Variants in VPS13D observed in about 807,000 individuals in gnomAD.
VPS13D encodes vacuolar protein sorting 13 homolog D, also known as intermembrane lipid transfer protein VPS13D.
VPS13D carries 187 observed loss-of-function variants against 461.9 expected under a neutral mutation model. The ratio of observed to expected loss-of-function variants is 0.40; its 90% confidence interval spans 0.36 to 0.46. The LOEUF (loss-of-function observed/expected upper bound fraction) is 0.46. VPS13D is among the 20% of genes least tolerant of loss of function. The pLI, the probability that VPS13D is intolerant of heterozygous loss-of-function variation, is 0.60. For missense variants in VPS13D, 4,711 were observed against 5,364.9 expected, an observed-to-expected ratio of 0.88 and a Z score of 3.81; for synonymous variants, 1,951 against 1,986.3, an observed-to-expected ratio of 0.98 and a Z score of 0.47.
intron 47 of VPS13D, among the ~76,000 whole-genome samples, 184 bp from the exon 48 acceptor site, chr1:12,355,715 G>A (rs560513430): frequency 2.0e-5 from 3 of 152,164 alleles, no homozygotes; most frequent in African/African-American, 7.2e-5. Flanking sequence ...TGTGATTCCA[G>A]GCCTTCTGGT....
At chr1:12,425,697 AAGGAAGGGAGGAAGAG>A (rs1007942300) in intron 65 of VPS13D, among the ~76,000 whole-genome samples, 36 of 151,130 alleles carry the variant, frequency 2.4e-4, no homozygotes. Flanking sequence ...GGAAGGAAGG[AAGGAAGGGAGGAAGAG>A]AGGGAGGGAG....
chr1:12,406,648 C>CA (rs1644659600), intron 63 of VPS13D, among the ~76,000 whole-genome samples: 1 of 152,184 alleles, frequency 6.6e-6, no homozygotes, highest in African/African-American at 2.4e-5. Flanking sequence ...ATAATAGTCC[C>CA]ATTTCACAAA....
In VPS13D at chr1:12,277,194, A is replaced by G. The variant is rs1302182767; in HGVS notation, c.3606A>G (p.Lys1202=). ...KIATASIGGT[K]VNVSMGSTFD... ...CAACTGCAAGTATAGGTGGCACCAA[A>G]GTTAATGTCTCAATGGGTAGCACGT... The change falls in exon 19 of 70, where the codon AAA becomes AAG. Residue 1202 remains lysine (K), a synonymous_variant. Transcript: ENST00000620676. 6 of 1,614,132 alleles carry G rather than the reference A, an allele frequency of 3.7e-6. No individual in the cohort carries two copies. The African/African-American group carries it at 8.0e-5, about 22-fold the overall frequency.
At chr1:12,291,454 GTC>G (rs1642129788) in intron 23 of VPS13D, among the ~76,000 whole-genome samples, 1 of 152,120 alleles carries the variant, frequency 6.6e-6, no homozygotes, top group Non-Finnish European at 1.5e-5. Flanking sequence ...CATAGACACT[GTC>G]TCTATAGAAG....
In VPS13D at chr1:12,260,985, G is replaced by C; in HGVS notation, c.1250G>C (p.Cys417Ser). ...CCTCAGTTTGATTCTCCAGGAGCCT[G>C]TCCGGGAGCCCCAGAACCCGGTGGA... is the stretch of plus-strand genomic sequence containing the variant. Reference protein sequence around the residue: ...REPQFDSPGACPGAPEPGGGS... With the variant: ...REPQFDSPGASPGAPEPGGGS... Residue 417 changes from cysteine to serine, a missense_variant, in exon 12 of 70, where the codon TGT (cysteine) becomes TCT (serine). This residue lies in a region of VPS13D where 4,411 missense variants were observed against 4,937.8 expected (regional missense o/e 0.89). Transcript: ENST00000620676. 6.2e-7 allele frequency: 1 copy of C among 1,613,872 alleles called. No individual in the cohort carries two copies. The highest frequency in any genetic ancestry group is 2.2e-5 in the East Asian group (1 of 44,882).
At position 12,244,676 on chromosome 1, in the gene VPS13D, C is replaced by T. The variant is rs1010884029; in HGVS notation, c.447+59C>T. 6.9e-5 allele frequency: 103 copies of T among 1,488,200 alleles called. 2 individuals carry two copies. In the African/African-American group the frequency reaches 8.3e-4, roughly 12 times the overall value. The allele number at this position is 1,488,200 out of a possible 1,614,324, so 92.2% of individuals were successfully genotyped here. A position where few individuals can be genotyped will look rare whatever the true frequency, so the allele number is the denominator to read the frequency against. The stretch of plus-strand genomic sequence containing the variant: ...GTGAAAGGGATTTCTCAGGTTTAAA[C>T]GTGTTTCTCCTCTTAGTTTCTCATT... On this transcript the variant is annotated intron_variant, in intron 5 of 69. Transcript: ENST00000620676.
intron 68 of VPS13D, chr1:12,500,013 T>C: frequency 1.0e-6 from 1 of 985,444 alleles, no homozygotes; most frequent in Non-Finnish European, 1.2e-6. Context: ...CTTGCTCTAC[T>C]GTTCTGACTA....
intron 57 of VPS13D, among the ~76,000 whole-genome samples, chr1:12,380,004 C>T (rs1029656348): frequency 6.6e-5 from 10 of 152,090 alleles, no homozygotes; most frequent in African/African-American, 1.4e-4. Context: ...CTCCTAACCT[C>T]GTTATCCACC....
chr1:12,356,830 C>T (rs1283555437), intron 49 of VPS13D, among the ~76,000 whole-genome samples: 1 of 152,218 alleles, frequency 6.6e-6, no homozygotes, highest in African/African-American at 2.4e-5. Flanking sequence ...CTCTGCTCTG[C>T]AGTTTTTCTT....
intron 29 of VPS13D, among the ~76,000 whole-genome samples, chr1:12,312,392 G>T (rs1163008951): frequency 6.6e-6 from 1 of 152,230 alleles, no homozygotes; most frequent in Admixed American, 6.5e-5. Context: ...CTTGCTGTGT[G>T]TCTGAGTAGT....
In VPS13D at chr1:12,385,108, A is replaced by C. The variant is rs1010053941; in HGVS notation, c.11371-152A>C. ...AACCAAGTTTGCTTCTTTATTACAC[A>C]AATCTTACCTTACCAGTGCTTTGGA... On this transcript the variant is annotated intron_variant, in intron 58 of 69. Coordinates refer to ENST00000620676, the MANE Select transcript of VPS13D (RefSeq NM_015378.4). 1.3e-5 allele frequency: 8 copies of C among 622,730 alleles called. No individual in the cohort carries two copies. The African/African-American group carries it at 1.5e-4, about 12-fold the overall frequency. 38.6% of individuals were successfully genotyped at this position (622,730 alleles called of 1,614,324 possible).
chr1:12,293,806 T>C (rs1642198900), intron 24 of VPS13D, 102 bp downstream of exon 24: 1 of 1,228,234 alleles, frequency 8.1e-7, no homozygotes, highest in African/African-American at 1.5e-5. Context: ...TAAGTTATCC[T>C]TGCTAATATG....
At chr1:12,253,671 T>G in intron 6 of VPS13D, 51 bp from the exon 7 acceptor site, 1 of 1,392,682 alleles carries the variant, frequency 7.2e-7, no homozygotes, top group Non-Finnish European at 1.0e-6. Flanking sequence ...TGAATGACAT[T>G]CACGAATAAA....
intron 67 of VPS13D, 112 bp downstream of exon 67, chr1:12,460,508 T>C: frequency 9.9e-7 from 1 of 1,011,860 alleles, no homozygotes; most frequent in Non-Finnish European, 1.3e-6. Flanking sequence ...GGGTTTTTAA[T>C]TCAAATACTT....
chr1:12,230,934 C>G (rs1175447236), intron 1 of VPS13D, among the ~76,000 whole-genome samples: 2 of 152,132 alleles, frequency 1.3e-5, no homozygotes, highest in African/African-American at 4.8e-5. Context: ...GGGAGCGTCG[C>G]CTTCCGGGCA....
At chr1:12,346,562 A>T (rs1312158338) in intron 43 of VPS13D, 43 bp from the exon 44 acceptor site, 2 of 1,596,820 alleles carry the variant, frequency 1.3e-6, no homozygotes, top group East Asian at 2.2e-5. Flanking sequence ...GTTGCTAATT[A>T]TCTTAAGTCT....
At chr1:12,404,206 G>A (rs984952302) in intron 63 of VPS13D, among the ~76,000 whole-genome samples, 7 of 149,444 alleles carry the variant, frequency 4.7e-5, no homozygotes, top group African/African-American at 1.2e-4. Flanking sequence ...CGACATTGCC[G>A]AAGATCAAGG....
intron 65 of VPS13D, among the ~76,000 whole-genome samples, chr1:12,437,078 G>C (rs1434997902): frequency 6.6e-6 from 1 of 152,130 alleles, no homozygotes; most frequent in Non-Finnish European, 1.5e-5. Flanking sequence ...CGGCGGGAGG[G>C]GGGTACCCAA....
In VPS13D at chr1:12,349,234, G is replaced by A. The variant is rs745706320; in HGVS notation, c.9291G>A (p.Arg3097=). ...TGCCTTTACACCTCACTTCTTGGCG[G>A]CTACAGGCCCGGCCCAAAGGATTGG... ...FAVPLHLTSW[R]LQARPKGLGV... The change falls in exon 46 of 70, where the codon CGG becomes CGA. Residue 3097 remains arginine, a synonymous_variant. Coordinates refer to ENST00000620676, the MANE Select transcript of VPS13D (RefSeq NM_015378.4). 6 of 1,614,042 alleles carry A rather than the reference G, an allele frequency of 3.7e-6. No homozygotes were observed. The African/African-American group carries it at 4.0e-5, about 11-fold the overall frequency.
Sources: allele counts gnomAD v4.1 joint callset (sites outside exome capture counted in the v4.1 genomes callset), GRCh38; gene constraint gnomAD v4.1.1; regional missense constraint gnomAD v4.1.1; transcripts MANE v1.5; gene names NCBI Gene and HGNC (gene_info 2026-07-23, HGNC 2026-07-21).